The following NOS1AP variants were observed in gnomAD, a reference collection of about 807,000 sequenced individuals.
The protein encoded by NOS1AP is nitric oxide synthase 1 adaptor protein, also known as carboxyl-terminal PDZ ligand of neuronal nitric oxide synthase protein.
A neutral mutation model predicts 56.2 loss-of-function variants in NOS1AP; 21 were observed. The observed-to-expected ratio is 0.37, with a 90% CI of 0.26 to 0.54. The LOEUF is 0.54. Among genes scored for constraint, NOS1AP ranks in the 20% least tolerant of loss-of-function variants. The pLI is 0.84. For synonymous variants in NOS1AP, 270 were observed against 274.6 expected, an observed-to-expected ratio of 0.98 and a Z score of 0.17; for missense variants, 522 against 657.8, an observed-to-expected ratio of 0.79 and a Z score of 2.26.
At chr1:162,303,041 G>T (rs769623292) in intron 4 of NOS1AP, among the ~76,000 whole-genome samples, 1 of 152,104 alleles carries the variant, frequency 6.6e-6, no homozygotes, top group Non-Finnish European at 1.5e-5. Context: ...TGTTTTATAG[G>T]TATATCACAG....
intron 2 of NOS1AP, among the ~76,000 whole-genome samples, chr1:162,237,983 G>A (rs530378254): frequency 1.3e-5 from 2 of 152,234 alleles, no homozygotes; most frequent in South Asian, 2.1e-4. Context: ...AGCTAGGCTC[G>A]ATGCAGAGCT....
intron 2 of NOS1AP, among the ~76,000 whole-genome samples, chr1:162,163,497 A>C (rs1650327880): frequency 6.6e-6 from 1 of 152,172 alleles, no homozygotes; most frequent in African/African-American, 2.4e-5. Context: ...CTACAAAACA[A>C]AGTCCCTGTC....
chr1:162,257,765 A>G (rs1172853034), intron 2 of NOS1AP, among the ~76,000 whole-genome samples: 2 of 152,092 alleles, frequency 1.3e-5, no homozygotes, highest in African/African-American at 4.8e-5. Context: ...TCCATTGGCT[A>G]CATGTGTAGT....
intron 3 of NOS1AP, among the ~76,000 whole-genome samples, chr1:162,293,878 G>A (rs1032950894): frequency 6.6e-6 from 1 of 152,188 alleles, no homozygotes; most frequent in South Asian, 2.1e-4. Context: ...ACCAATTTTA[G>A]TAATCTAAAA....
chr1:162,216,537 G>A (rs550028693), intron 2 of NOS1AP, among the ~76,000 whole-genome samples: 1 of 152,254 alleles, frequency 6.6e-6, no homozygotes. Context: ...TCTGAGTCCT[G>A]CTATGTACTT....
At chr1:162,111,235 G>A (rs560724955) in intron 1 of NOS1AP, among the ~76,000 whole-genome samples, 4 of 152,318 alleles carry the variant, frequency 2.6e-5, no homozygotes, top group African/African-American at 9.6e-5. Context: ...CAGCCAGAAG[G>A]AACAAGTAGA....
At chr1:162,168,989 A>G (rs1650637385) in intron 2 of NOS1AP, among the ~76,000 whole-genome samples, 1 of 152,212 alleles carries the variant, frequency 6.6e-6, no homozygotes, top group Admixed American at 6.5e-5. Context: ...CGTCTCCCTC[A>G]GAGAGCCATG....
chr1:162,323,670 A>G (rs569690633), intron 4 of NOS1AP, among the ~76,000 whole-genome samples: 18 of 152,344 alleles, frequency 1.2e-4, no homozygotes, highest in African/African-American at 4.1e-4. Flanking sequence ...TTGAGCAACT[A>G]CTATGCGGCA....
chr1:162,148,717 T>A (rs1305062824), intron 1 of NOS1AP, among the ~76,000 whole-genome samples: 1 of 152,180 alleles, frequency 6.6e-6, no homozygotes, highest in Non-Finnish European at 1.5e-5. Context: ...GGGAATAAGA[T>A]GACCCAATTT....
chr1:162,094,343 A>G (rs986145828), intron 1 of NOS1AP, among the ~76,000 whole-genome samples: 1 of 152,126 alleles, frequency 6.6e-6, no homozygotes, highest in Admixed American at 6.5e-5. Context: ...ACTGGTAGGG[A>G]GAGTGATATT....
At chr1:162,254,072 CT>C (rs1203353206) in intron 2 of NOS1AP, among the ~76,000 whole-genome samples, 2 of 152,086 alleles carry the variant, frequency 1.3e-5, no homozygotes, top group Non-Finnish European at 2.9e-5. Context: ...GAATCATTTT[CT>C]TATTTTTTGA....
At chr1:162,287,877 C>G (rs1571192271) in intron 3 of NOS1AP, among the ~76,000 whole-genome samples, 1 of 152,180 alleles carries the variant, frequency 6.6e-6, no homozygotes, top group Admixed American at 6.5e-5. Context: ...CCATGCAGCC[C>G]CCTCCGTTGT....
chr1:162,205,430 A>T (rs969176691), intron 2 of NOS1AP, among the ~76,000 whole-genome samples: 1 of 152,212 alleles, frequency 6.6e-6, no homozygotes, highest in Non-Finnish European at 1.5e-5. Flanking sequence ...CTCTTTCCCC[A>T]GTTGCCATAC....
chr1:162,090,562 C>T (rs1451621357), intron 1 of NOS1AP, among the ~76,000 whole-genome samples: 1 of 152,056 alleles, frequency 6.6e-6, no homozygotes, highest in East Asian at 1.9e-4. Flanking sequence ...CACTCTTATC[C>T]ATATGTTGGT....
chr1:162,259,260 TA>T (rs1275723759), intron 2 of NOS1AP, among the ~76,000 whole-genome samples: 8 of 152,188 alleles, frequency 5.3e-5, no homozygotes, highest in Admixed American at 1.3e-4. Flanking sequence ...AAGGCATTCC[TA>T]AGATGTTCCT....
At position 162,070,118 on chromosome 1, in the gene NOS1AP, T is replaced by C; in HGVS notation, c.-60T>C. On this transcript the variant is annotated 5_prime_UTR_variant, in exon 1 of 10. Transcript: ENST00000361897. Reference sequence around the variant, plus strand: ...CAGCTCCAGTCTCCCCTCCCCGGGGTCTCGCCAGCCCCTTCCTGCAGCCGC... The same window carrying C: ...CAGCTCCAGTCTCCCCTCCCCGGGGCCTCGCCAGCCCCTTCCTGCAGCCGC... The C allele has an allele frequency of 7.3e-7, 1 of 1,377,476 alleles. No individual in the cohort carries two copies. Among genetic ancestry groups the C allele is most frequent in the Non-Finnish European group, 1.0e-6 (1 of 968,286 alleles). The allele number at this position is 1,377,476 out of a possible 1,614,324, so 85.3% of individuals were successfully genotyped here.
At chr1:162,279,946 T>A (rs915836734) in intron 2 of NOS1AP, among the ~76,000 whole-genome samples, 4 of 152,286 alleles carry the variant, frequency 2.6e-5, no homozygotes, top group African/African-American at 9.6e-5. Flanking sequence ...TCTTCATCTA[T>A]AAGATGAAAA....
chr1:162,344,923 A>G (rs1657227328), intron 6 of NOS1AP, among the ~76,000 whole-genome samples: 1 of 152,232 alleles, frequency 6.6e-6, no homozygotes, highest in African/African-American at 2.4e-5. Context: ...ATATATTCCA[A>G]GAACAGCTGG....
chr1:162,226,767 A>G (rs545903330), intron 2 of NOS1AP, among the ~76,000 whole-genome samples: 119 of 152,310 alleles, frequency 7.8e-4, no homozygotes, highest in African/African-American at 2.7e-3. Flanking sequence ...TGCTAGTTAG[A>G]GAACAAGTGG....
Sources: gnomAD v4.1 joint callset for allele counts (sites outside exome capture counted in the v4.1 genomes callset) on GRCh38, gnomAD v4.1.1 for gene constraint, MANE v1.5 for transcripts, NCBI Gene and HGNC (gene_info 2026-07-23, HGNC 2026-07-21) for gene names.